COQ10B: variants seen among roughly 807,000 people sequenced by gnomAD.
COQ10B encodes coenzyme Q-binding protein COQ10 homolog B, mitochondrial.
In COQ10B, 12 loss-of-function variants were observed where a neutral mutation model predicts 27.6. The ratio of observed to expected loss-of-function variants is 0.43; its 90% CI spans 0.28 to 0.70. The LOEUF is 0.70. Among genes scored for constraint, COQ10B ranks in the 30% least tolerant of loss-of-function variants. The pLI, the probability that COQ10B is intolerant of heterozygous loss-of-function variation, is 0.17. For missense variants in COQ10B, 278 were observed against 288.7 expected (o/e 0.96, Z 0.27); for synonymous variants, 115 against 103.0 (o/e 1.12, Z -0.71).
chr2:197,457,207 C>T (rs1454468825), intron 1 of COQ10B, among the ~76,000 whole-genome samples: 2 of 152,172 alleles, frequency 1.3e-5, no homozygotes, highest in Non-Finnish European at 2.9e-5. Flanking sequence ...CAGCCTGGTT[C>T]CTAACAGGCC....
intron 4 of COQ10B, among the ~76,000 whole-genome samples, chr2:197,472,200 A>T (rs2085884363): frequency 1.3e-5 from 2 of 151,984 alleles, no homozygotes; most frequent in African/African-American, 2.4e-5. Context: ...TATTTAGAGG[A>T]TATTTGGTCC....
chr2:197,469,546 T>C (rs1310226445), intron 3 of COQ10B, among the ~76,000 whole-genome samples: 3 of 152,188 alleles, frequency 2.0e-5, no homozygotes, highest in Admixed American at 6.5e-5. Flanking sequence ...GAAAACTAGA[T>C]AGAGGCCTCT....
At chr2:197,464,875 CTT>C (rs200668143) in intron 3 of COQ10B, among the ~76,000 whole-genome samples, 18 of 138,452 alleles carry the variant, frequency 1.3e-4, no homozygotes, top group Middle Eastern at 3.7e-3. Flanking sequence ...GAACTTAAAT[CTT>C]TTTTTTTTTT....
At chr2:197,462,487 A>C (rs1417980377) in intron 2 of COQ10B, 52 bp from the exon 3 acceptor site, 1 of 902,966 alleles carries the variant, frequency 1.1e-6, no homozygotes, top group African/African-American at 1.7e-5. Flanking sequence ...GTATGCATAT[A>C]TTATATAACT....
chr2:197,467,881 CAG>C (rs1000831245), intron 3 of COQ10B, among the ~76,000 whole-genome samples: 3 of 152,160 alleles, frequency 2.0e-5, no homozygotes, highest in African/African-American at 7.2e-5. Context: ...TGAACATTTT[CAG>C]AGAGGCAACA....
At chr2:197,459,208 C>G (rs1385567707) in intron 1 of COQ10B, among the ~76,000 whole-genome samples, 1 of 152,196 alleles carries the variant, frequency 6.6e-6, no homozygotes, top group Non-Finnish European at 1.5e-5. Context: ...CCCTGTCACC[C>G]AGGCTGCAGT....
chr2:197,462,554 A>C lies in COQ10B; in HGVS notation c.270A>C (p.Glu90Asp). 3 of 1,568,082 alleles carry C rather than the reference A, an allele frequency of 1.9e-6. No individual in the cohort carries two copies. The highest frequency in any genetic ancestry group is 2.6e-6 in the Non-Finnish European group (3 of 1,152,928). Residue 90 changes from glutamate (E) to aspartate (D), a missense_variant, in exon 3 of 5, where the codon GAA (glutamate) becomes GAC (aspartate). Glu to Asp is a conservative substitution (Grantham distance 45, BLOSUM62 2). Around this residue, in one of 3 missense-constraint regions of COQ10B, gnomAD observed 183 missense variants for 158.2 expected, o/e 1.16. Transcript: ENST00000263960. Reference protein sequence around the residue: ...ERRILGYSMQEMYDVVSGVED... With the variant: ...ERRILGYSMQDMYDVVSGVED... The stretch of plus-strand genomic sequence containing the variant: ...TTTTTTAAAGATATTCAATGCAGGA[A>C]ATGTATGATGTAGTATCGGGAGTGG...
At chr2:197,460,383 G>C (rs2085744233) in intron 2 of COQ10B, among the ~76,000 whole-genome samples, 2 of 151,856 alleles carry the variant, frequency 1.3e-5, no homozygotes, top group African/African-American at 4.8e-5. Context: ...AGTAGAAACA[G>C]GGTTTCACTG....
intron 3 of COQ10B, 112 bp from the exon 4 acceptor site, chr2:197,469,958 C>T: frequency 1.6e-6 from 1 of 628,592 alleles, no homozygotes; most frequent in Non-Finnish European, 2.8e-6. Flanking sequence ...ATGGTCTGAC[C>T]TATAAAAATT....
chr2:197,462,123 G>A (rs1261692167), intron 2 of COQ10B, among the ~76,000 whole-genome samples: 2 of 151,928 alleles, frequency 1.3e-5, no homozygotes, highest in Non-Finnish European at 2.9e-5. Context: ...CAAAAAATTA[G>A]CTGACTGTGG....
At position 197,474,405 on chromosome 2, in the gene COQ10B, G is replaced by T. The variant is rs2085926726; in HGVS notation, c.*481G>T. The T allele has an allele frequency of 6.6e-6, 1 of 152,298 alleles. No individual in the cohort carries two copies. The highest frequency in any genetic ancestry group is 2.4e-5 in the African/African-American group (1 of 41,452). 9.4% of individuals were successfully genotyped at this position (152,298 alleles called of 1,614,324 possible). A position where few individuals can be genotyped will look rare whatever the true frequency, so the allele number is the denominator to read the frequency against. On this transcript the variant is annotated 3_prime_UTR_variant, in exon 5 of 5. Transcript: ENST00000263960. ...CATATATTTAAAGTAAAAACTTTGG[G>T]CTGGGCACAGTGGCTCACACCTGTA... is the stretch of plus-strand genomic sequence containing the variant.
intron 1 of COQ10B, chr2:197,453,901 C>G (rs1171357148): frequency 2.7e-6 from 4 of 1,493,916 alleles, no homozygotes; most frequent in Admixed American, 4.0e-5. Flanking sequence ...GAATCATCGG[C>G]GAAGCGACTT....
rs749660427 is a variant in COQ10B at position 197,453,631 on chromosome 2, C to T, written c.71C>T (p.Ala24Val). Residue 24 changes from alanine to valine, a missense_variant, in exon 1 of 5, where the codon GCG becomes GTG. Physicochemically the swap from Ala to Val is moderately conservative, Grantham distance 64. Coordinates refer to ENST00000263960, the MANE Select transcript of COQ10B (RefSeq NM_025147.5). ...VSGCRPKSAT[A>V]AGAQAPVRNG... is the part of the protein sequence containing the mutation. ...GGATGCCGTCCGAAGTCGGCGACAG[C>T]GGCCGGGGCGCAGGCGCCCGTGCGG... 56 of 1,613,942 alleles carry T rather than the reference C, an allele frequency of 3.5e-5. No individual in the cohort carries two copies. Among genetic ancestry groups the T allele is most frequent in the Non-Finnish European group, 4.6e-5 (54 of 1,179,940 alleles).
At chr2:197,457,338 C>T (rs1196614132) in intron 1 of COQ10B, among the ~76,000 whole-genome samples, 5 of 152,108 alleles carry the variant, frequency 3.3e-5, no homozygotes, top group African/African-American at 1.2e-4. Context: ...ATTGAATGTT[C>T]CTAGTGCAAA....
intron 3 of COQ10B, among the ~76,000 whole-genome samples, chr2:197,466,539 A>G (rs757878308): frequency 1.2e-4 from 18 of 152,218 alleles, no homozygotes; most frequent in Non-Finnish European, 4.4e-5. Flanking sequence ...CAACAGCAAT[A>G]CTATAATGAT....
Position 197,475,123 on chromosome 2 carries a change from T to C in COQ10B, c.*1199T>C, listed in dbSNP as rs969870953. The C allele has an allele frequency of 6.6e-6, 1 of 152,364 alleles. No individual in the cohort carries two copies. The allele number at this position is 152,364 out of a possible 1,614,324, so 9.4% of individuals were successfully genotyped here. On this transcript the variant is annotated 3_prime_UTR_variant, in exon 5 of 5. Coordinates refer to ENST00000263960, the MANE Select transcript of COQ10B (RefSeq NM_025147.5). ...ATGTAATAAAGTTAATTTGTTTATT[T>C]TTTGTACAGTTAGTTTGGTTATTGA... is the stretch of plus-strand genomic sequence containing the variant.
At position 197,460,092 on chromosome 2, in the gene COQ10B, G is replaced by A. The variant is rs371673029; in HGVS notation, c.254+11G>A. On this transcript the variant is annotated intron_variant, in intron 2 of 4. Transcript: ENST00000263960. ...GAGAAGAATTTTAGGGTTCGTATAT[G>A]ATAAGAATTCTACTAAAAGAGCATG... 7.0e-6 allele frequency: 11 copies of A among 1,579,734 alleles called. No individual in the cohort carries two copies. The African/African-American group carries it at 1.2e-4, about 18-fold the overall frequency.
intron 4 of COQ10B, 126 bp from the exon 5 acceptor site, chr2:197,473,631 A>G: frequency 1.7e-6 from 1 of 593,462 alleles, no homozygotes; most frequent in Non-Finnish European, 2.7e-6. Context: ...GGCTGCAGTG[A>G]GCCGCAATTG....
chr2:197,468,063 G>A (rs1474506502), intron 3 of COQ10B, among the ~76,000 whole-genome samples: 2 of 152,076 alleles, frequency 1.3e-5, no homozygotes, highest in African/African-American at 2.4e-5. Flanking sequence ...CAAACTCTTC[G>A]TGTCAAAACA....
Sources: allele counts gnomAD v4.1 joint callset (sites outside exome capture counted in the v4.1 genomes callset), GRCh38; gene constraint gnomAD v4.1.1; regional missense constraint gnomAD v4.1.1; transcripts MANE v1.5; gene names NCBI Gene and HGNC (gene_info 2026-07-23, HGNC 2026-07-21).